Variants in GLI3 observed in about 807,000 individuals in gnomAD.
GLI3 encodes the protein transcription activator GLI3.
GLI3 carries 20 observed loss-of-function variants against 100.8 expected under a neutral mutation model. The ratio of observed to expected loss-of-function variants is 0.20; its 90% CI spans 0.14 to 0.29. GLI3 has a LOEUF of 0.29. GLI3 is among the 10% of genes least tolerant of loss of function. GLI3 has a pLI of 1.00. For synonymous variants in GLI3, 938 were observed against 860.5 expected, an observed-to-expected ratio of 1.09 and a Z score of -1.58; for missense variants, 2,040 against 2,128.5, an observed-to-expected ratio of 0.96 and a Z score of 0.82.
At chr7:42,183,258 G>A (rs34872991) in intron 2 of GLI3, among the ~76,000 whole-genome samples, 14,858 of 152,076 alleles carry the variant, frequency 0.098, 779 homozygotes, top group Non-Finnish European at 0.12. Flanking sequence ...TAATATTGAC[G>A]TTCTCATCCT....
At chr7:42,217,070 A>T (rs1234040136) in intron 2 of GLI3, among the ~76,000 whole-genome samples, 1 of 152,206 alleles carries the variant, frequency 6.6e-6, no homozygotes, top group Non-Finnish European at 1.5e-5. Flanking sequence ...ATGCGTGACA[A>T]GAGTGGAGAT....
At chr7:42,131,252 T>C (rs1428243728) in intron 3 of GLI3, among the ~76,000 whole-genome samples, 1 of 152,116 alleles carries the variant, frequency 6.6e-6, no homozygotes, top group East Asian at 1.9e-4. Flanking sequence ...GGAGAATGAA[T>C]TGGCCAGGAA....
intron 3 of GLI3, among the ~76,000 whole-genome samples, chr7:42,117,542 T>A (rs149642613): frequency 6.6e-6 from 1 of 152,274 alleles, no homozygotes; most frequent in African/African-American, 2.4e-5. Flanking sequence ...TCCCATCTGA[T>A]GGGTGCGATT....
intron 4 of GLI3, among the ~76,000 whole-genome samples, chr7:42,073,992 A>G (rs919219289): frequency 6.6e-6 from 1 of 152,198 alleles, no homozygotes; most frequent in African/African-American, 2.4e-5. Flanking sequence ...TGCCTCGATT[A>G]GCCTCCACTT....
intron 4 of GLI3, among the ~76,000 whole-genome samples, chr7:42,063,355 G>C (rs1395848665): frequency 6.6e-6 from 1 of 151,992 alleles, no homozygotes; most frequent in Non-Finnish European, 1.5e-5. Flanking sequence ...TGATCTAAAG[G>C]TGCAAAATTG....
intron 4 of GLI3, among the ~76,000 whole-genome samples, chr7:42,059,018 AC>A (rs370290253): frequency 2.3e-3 from 355 of 152,352 alleles, no homozygotes; most frequent in African/African-American, 7.5e-3. Context: ...GAGCTAAATG[AC>A]CACATCTCAT....
chr7:42,088,641 A>T (rs1459161937), intron 3 of GLI3, among the ~76,000 whole-genome samples: 1 of 152,178 alleles, frequency 6.6e-6, no homozygotes, highest in African/African-American at 2.4e-5. Flanking sequence ...CTTCCCCTCC[A>T]TGATTCCTGC....
chr7:42,257,037 T>C (rs926542440), intron 1 of GLI3, among the ~76,000 whole-genome samples: 2 of 152,166 alleles, frequency 1.3e-5, no homozygotes, highest in Admixed American at 1.3e-4. Context: ...TTTGATGCTA[T>C]TTTGAATTCA....
chr7:42,000,731 G>T (rs569999658), intron 10 of GLI3, among the ~76,000 whole-genome samples: 2 of 152,224 alleles, frequency 1.3e-5, no homozygotes, highest in South Asian at 2.1e-4. Flanking sequence ...ACAACAGCAG[G>T]ACAAAACCCA....
intron 2 of GLI3, among the ~76,000 whole-genome samples, chr7:42,163,515 A>G (rs1310999005): frequency 6.7e-6 from 1 of 150,224 alleles, no homozygotes. Context: ...TGCAACCTCC[A>G]TCTCCTGGGT....
intron 2 of GLI3, among the ~76,000 whole-genome samples, chr7:42,217,821 C>T (rs1788407471): frequency 6.6e-6 from 1 of 152,160 alleles, no homozygotes; most frequent in African/African-American, 2.4e-5. Context: ...CGTGTATGTT[C>T]AAGAAAACAG....
intron 3 of GLI3, among the ~76,000 whole-genome samples, chr7:42,118,655 C>T (rs1444236433): frequency 6.6e-6 from 1 of 152,170 alleles, no homozygotes; most frequent in South Asian, 2.1e-4. Flanking sequence ...CAAATTCAGG[C>T]CAGAATGACG....
chr7:42,216,767 C>T (rs1788386248), intron 2 of GLI3, among the ~76,000 whole-genome samples: 4 of 152,188 alleles, frequency 2.6e-5, no homozygotes, highest in Admixed American at 2.6e-4. Flanking sequence ...GACATATTCA[C>T]ATTTGAGAAT....
intron 2 of GLI3, among the ~76,000 whole-genome samples, chr7:42,158,482 ATG>A (rs1221802320): frequency 1.3e-5 from 2 of 151,400 alleles, no homozygotes; most frequent in Non-Finnish European, 2.9e-5. Flanking sequence ...CTATCTGTAC[ATG>A]TGAAGACTAT....
chr7:42,182,673 TATATATATAC>T (rs765100866), intron 2 of GLI3, among the ~76,000 whole-genome samples: 10,606 of 85,244 alleles, frequency 0.12, 1,020 homozygotes, highest in South Asian at 0.23. Flanking sequence ...TATATATATA[TATATATATAC>T]ACATGTGTGT....
At chr7:42,058,130 T>C (rs1784499445) in intron 4 of GLI3, among the ~76,000 whole-genome samples, 1 of 151,950 alleles carries the variant, frequency 6.6e-6, no homozygotes. Flanking sequence ...TAAAATTAAC[T>C]AAAAAAAGAA....
chr7:42,182,865 T>C (rs1455337482), intron 2 of GLI3, among the ~76,000 whole-genome samples: 1 of 151,554 alleles, frequency 6.6e-6, no homozygotes, highest in East Asian at 1.9e-4. Flanking sequence ...GCAGATCGTT[T>C]GAGGCCAGGA....
chr7:42,095,231 T>C (rs1785313152), intron 3 of GLI3, among the ~76,000 whole-genome samples: 1 of 152,160 alleles, frequency 6.6e-6, no homozygotes, highest in African/African-American at 2.4e-5. Context: ...TCAGTAGGCC[T>C]GGGGTGGAGC....
intron 10 of GLI3, among the ~76,000 whole-genome samples, chr7:41,991,927 G>C (rs1282163173): frequency 1.3e-5 from 2 of 152,208 alleles, no homozygotes; most frequent in African/African-American, 2.4e-5. Flanking sequence ...GCATATGTGT[G>C]TGTATGCATG....
Sources: allele counts gnomAD v4.1 joint callset (sites outside exome capture counted in the v4.1 genomes callset), GRCh38; gene constraint gnomAD v4.1.1; transcripts MANE v1.5; gene names NCBI Gene and HGNC (gene_info 2026-07-23, HGNC 2026-07-21).